The following HCFC1 variants were observed in gnomAD, a reference collection of about 807,000 sequenced individuals.
HCFC1 encodes host cell factor C1, also known as host cell factor 1.
HCFC1 carries 7 observed loss-of-function variants against 105.5 expected under a neutral mutation model. That is an observed-to-expected ratio of 0.07 (90% CI 0.04 to 0.12). The LOEUF (loss-of-function observed/expected upper bound fraction) is 0.12, where lower values mean the gene tolerates loss of function less well. Ranked by LOEUF, HCFC1 falls within the 10% of genes least tolerant of loss-of-function variation. The probability of loss-of-function intolerance (pLI) is 1.00; values close to 1 mark genes in which losing one functional copy is unlikely to be tolerated. For missense variants in HCFC1, 1,065 were observed against 1,823.6 expected, an observed-to-expected ratio of 0.58 and a Z score of 7.58; for synonymous variants, 918 against 828.1, an observed-to-expected ratio of 1.11 and a Z score of -1.86.
Position 153,948,219 on chromosome X carries a change from G to A in HCFC1, c.*1128C>T, listed in dbSNP as rs2065273862. 1 of 112,295 alleles carries A rather than the reference G, an allele frequency of 8.9e-6. No homozygotes were observed. Among genetic ancestry groups the A allele is most frequent in the Non-Finnish European group, 1.9e-5 (1 of 53,193 alleles). The allele number at this position is 112,295 out of a possible 1,213,427, so 9.3% of individuals were successfully genotyped here. ...GGGAGAGCTGGAAATCCAGGACAAG[G>A]AGGCCCCAGCCCTCCCTCAAGCTCC... On this transcript the variant is annotated 3_prime_UTR_variant, in exon 26 of 26. Coordinates refer to ENST00000310441, the MANE Select transcript of HCFC1 (RefSeq NM_005334.3).
Position 153,971,029 on chromosome X carries a change from G to C in HCFC1, c.-189C>G, listed in dbSNP as rs1357100685. The C allele has an allele frequency of 1.8e-5, 7 of 390,763 alleles. No homozygotes were observed. Among genetic ancestry groups the C allele is most frequent in the Non-Finnish European group, 3.0e-5 (7 of 231,632 alleles). 32.2% of individuals were successfully genotyped at this position (390,763 alleles called of 1,213,427 possible). A position where few individuals can be genotyped will look rare whatever the true frequency, so the allele number is the denominator to read the frequency against. On this transcript the variant is annotated 5_prime_UTR_variant, in exon 1 of 26. Transcript: ENST00000310441. ...CCCTTTGGCTCTTCCCTTTCTTCTCGCTCACCCCGTCTCCGCAAGAGCCGC... is the reference window on the plus strand; with the variant it reads ...CCCTTTGGCTCTTCCCTTTCTTCTCCCTCACCCCGTCTCCGCAAGAGCCGC...
chrX:153,962,676 C>T (rs888805981), intron 4 of HCFC1, among the ~76,000 whole-genome samples: 11 of 112,377 alleles, frequency 9.8e-5, no homozygotes, highest in Admixed American at 1.9e-4. Flanking sequence ...AATTCTCTCA[C>T]GGGAAACTGC....
At position 153,957,832 on chromosome X, in the gene HCFC1, A is replaced by T; in HGVS notation, c.2083T>A (p.Ser695Thr). Reference protein sequence around the residue: ...SVVQTKPVQTSAVTGQASTGP... With the variant: ...SVVQTKPVQTTAVTGQASTGP... Reference sequence around the variant, plus strand: ...GTGGACGCCTGGCCTGTGACTGCTGAAGTCTGAACTGGTTTGGTCTGGACC... The same window carrying T: ...GTGGACGCCTGGCCTGTGACTGCTGTAGTCTGAACTGGTTTGGTCTGGACC... The change falls in exon 12 of 26, where the codon TCA (serine) becomes ACA (threonine). Residue 695 changes from serine to threonine, a missense_variant. By Grantham distance (58) the Ser-to-Thr change is moderately conservative (BLOSUM62 1). Coordinates refer to ENST00000310441, the MANE Select transcript of HCFC1 (RefSeq NM_005334.3). 2 of 1,210,813 alleles carry T rather than the reference A, an allele frequency of 1.7e-6. No homozygotes were observed. Among genetic ancestry groups the T allele is most frequent in the Non-Finnish European group, 2.2e-6 (2 of 894,588 alleles).
chrX:153,950,672 A>C, intron 23 of HCFC1, 129 bp from the exon 24 acceptor site: 1 of 872,451 alleles, frequency 1.1e-6, no homozygotes, highest in Non-Finnish European at 1.6e-6. Context: ...GGAGCTTCAA[A>C]GAGATCTTCC....
At position 153,955,411 on chromosome X, in the gene HCFC1, G is replaced by A. The variant is rs782057214; in HGVS notation, c.2988C>T (p.Ile996=). 9 of 1,211,387 alleles carry A rather than the reference G, an allele frequency of 7.4e-6. No homozygotes were observed. Among genetic ancestry groups the A allele is most frequent in the Middle Eastern group, 2.3e-4 (1 of 4,349 alleles). ...TTEQPTATVT[I]ADSGQGDVQP... ...GCACATCACCCTGGCCTGAGTCGGC[G>A]ATGGTAACTGTGGCGGTGGGCTGTT... Residue 996 remains isoleucine, a synonymous_variant, in exon 17 of 26, where the codon ATC becomes ATT. Coordinates refer to ENST00000310441, the MANE Select transcript of HCFC1 (RefSeq NM_005334.3).
At chrX:153,970,587 A>G in intron 1 of HCFC1, 61 bp downstream of exon 1, 1 of 813,069 alleles carries the variant, frequency 1.2e-6, no homozygotes, top group Admixed American at 3.0e-5. Context: ...AGGAAAGAGG[A>G]GGGAGAGGGA....
Position 153,971,776 on chromosome X carries a change from G to A in HCFC1, c.-936C>T. 1 of 297,147 alleles carries A rather than the reference G, an allele frequency of 3.4e-6. No homozygotes were observed. 24.5% of individuals were successfully genotyped at this position (297,147 alleles called of 1,213,427 possible). A position where few individuals can be genotyped will look rare whatever the true frequency, so the allele number is the denominator to read the frequency against. On this transcript the variant is annotated 5_prime_UTR_variant, in exon 1 of 26. Transcript: ENST00000310441. ...CTGTACGGCAGAAGAAGCGGTAACG[G>A]CAGGGCGCTCATGCCTCCTCCCTGG...
chrX:153,962,769 G>A (rs1040151772), intron 4 of HCFC1, among the ~76,000 whole-genome samples: 2 of 111,486 alleles, frequency 1.8e-5, no homozygotes, highest in African/African-American at 6.5e-5. Flanking sequence ...GAGATCCACA[G>A]TTAGTAATCT....
rs913645748 is a variant in HCFC1, at chrX:153,970,941, G to A, written c.-101C>T. 5.5e-6 allele frequency: 4 copies of A among 730,139 alleles called. No homozygotes were observed. The African/African-American group carries it at 8.8e-5, about 16-fold the overall frequency. The allele number at this position is 730,139 out of a possible 1,213,427, so 60.2% of individuals were successfully genotyped here. On this transcript the variant is annotated 5_prime_UTR_variant, in exon 1 of 26. Coordinates refer to ENST00000310441, the MANE Select transcript of HCFC1 (RefSeq NM_005334.3). ...TTTCGTCTAAGGCAGCTCTCACGGA[G>A]AAGCGGTTTCTCACACAGCGGTAGA...
chrX:153,952,527 C>G lies in HCFC1; in HGVS notation c.4929G>C (p.Gln1643His), dbSNP rs1357660188. The G allele has an allele frequency of 2.6e-6, 3 of 1,163,799 alleles. No individual in the cohort carries two copies. The highest frequency in any genetic ancestry group is 2.3e-6 in the Non-Finnish European group (2 of 871,269). The stretch of plus-strand genomic sequence containing the variant: ...ACCGGCACTCACCCATGACGGCCTG[C>G]TGCGCGGCCTGGAGCACCGCCTGGA... Reference protein sequence around the residue: ...LAIQAVLQAAQQAVMGTGEPM... With the variant: ...LAIQAVLQAAHQAVMGTGEPM... The change falls in exon 19 of 26, where the codon CAG becomes CAC. Residue 1643 changes from glutamine to histidine, a missense_variant. By Grantham distance (24) the Gln-to-His change is conservative (BLOSUM62 0). Coordinates refer to ENST00000310441, the MANE Select transcript of HCFC1 (RefSeq NM_005334.3).
chrX:153,956,144 C>T (rs782407760), intron 16 of HCFC1, 47 bp downstream of exon 16: 18 of 1,120,502 alleles, frequency 1.6e-5, no homozygotes, highest in South Asian at 1.3e-4. Flanking sequence ...CGTGCTTCCA[C>T]TTGTGTGGGG....
At chrX:153,966,407 T>C (rs2065474207) in intron 1 of HCFC1, among the ~76,000 whole-genome samples, 1 of 112,359 alleles carries the variant, frequency 8.9e-6, no homozygotes, top group Non-Finnish European at 1.9e-5. Flanking sequence ...AGAGCTCCCC[T>C]GCCATTTCCC....
In HCFC1 at chrX:153,953,591, C is replaced by G. The variant is rs782636018; in HGVS notation, c.4497+16G>C. On this transcript the variant is annotated intron_variant, in intron 18 of 25. Transcript: ENST00000310441. Reference sequence around the variant, plus strand: ...GCCGGGAAGGCGGGGAAGAACACGGCCCCCTGGGCTCTTACCGGCACAGAG... The same window carrying G: ...GCCGGGAAGGCGGGGAAGAACACGGGCCCCTGGGCTCTTACCGGCACAGAG... The G allele has an allele frequency of 5.0e-6, 6 of 1,199,536 alleles. No homozygotes were observed. The highest frequency in any genetic ancestry group is 1.8e-5 in the African/African-American group (1 of 56,949).
intron 9 of HCFC1, 43 bp from the exon 10 acceptor site, chrX:153,958,809 C>T: frequency 9.7e-7 from 1 of 1,025,774 alleles, no homozygotes; most frequent in South Asian, 2.4e-5. Flanking sequence ...ACAGGTGCCA[C>T]CCACCTCCCT....
rs1557115566 is a variant in HCFC1, at chrX:153,957,807, G to A, written c.2108C>T (p.Thr703Met). Residue 703 changes from threonine (T) to methionine (M), a missense_variant, in exon 12 of 26, where the codon ACG becomes ATG. Physicochemically the swap from Thr to Met is moderately conservative, Grantham distance 81 (BLOSUM62 -1). Around this residue, in one of 17 missense-constraint regions of HCFC1, gnomAD observed 137 missense variants for 378.2 expected, o/e 0.36. Coordinates refer to ENST00000310441, the MANE Select transcript of HCFC1 (RefSeq NM_005334.3). ...QTSAVTGQAS[T>M]GPVTQIIQTK... ...CTGGATGATCTGAGTCACAGGACCC[G>A]TGGACGCCTGGCCTGTGACTGCTGA... 7 of 1,206,669 alleles carry A rather than the reference G, an allele frequency of 5.8e-6. No individual in the cohort carries two copies. Among genetic ancestry groups the A allele is most frequent in the South Asian group, 3.5e-5 (2 of 56,728 alleles).
chrX:153,964,070 G>A, intron 3 of HCFC1, 54 bp downstream of exon 3: 2 of 1,054,600 alleles, frequency 1.9e-6, no homozygotes, highest in Middle Eastern at 2.6e-4. Context: ...GGAGCCCTGT[G>A]CATGTGAGAG....
chrX:153,953,787 C>T lies in HCFC1; in HGVS notation c.4334-17G>A. ...GTGGGGGGTCTGTGGGGGCGACAGG[C>T]AGGCGGCTGCTCAGCAGGAGCCCCC... On this transcript the variant is annotated splice_polypyrimidine_tract_variant and intron_variant, in intron 17 of 25. Coordinates refer to ENST00000310441, the MANE Select transcript of HCFC1 (RefSeq NM_005334.3). 8.4e-7 allele frequency: 1 copy of T among 1,188,569 alleles called. No homozygotes were observed. The highest frequency in any genetic ancestry group is 1.1e-6 in the Non-Finnish European group (1 of 884,211).
rs1214032300 is a variant in HCFC1, at chrX:153,963,383, A to G, written c.554T>C (p.Val185Ala). 4 of 1,208,352 alleles carry G rather than the reference A, an allele frequency of 3.3e-6. No homozygotes were observed. Among genetic ancestry groups the G allele is most frequent in the Non-Finnish European group, 4.5e-6 (4 of 893,349 alleles). ...GTAAGTGATGGGAATGTCCCAGGCT[A>G]CCACTCCAGAGCCTGGCCGTAATTC... The part of the protein sequence containing the change: ...ILELRPGSGV[V>A]AWDIPITYGV... The change falls in exon 4 of 26, where the codon GTA (valine) becomes GCA (alanine). Residue 185 changes from valine (V) to alanine (A), a missense_variant. Val to Ala is a moderately conservative substitution (Grantham distance 64). Around this residue, in one of 17 missense-constraint regions of HCFC1, gnomAD observed 38 missense variants for 190.1 expected, o/e 0.20. Transcript: ENST00000310441.
In HCFC1 at chrX:153,950,384, G is replaced by A. The variant is rs1557112116; in HGVS notation, c.5863C>T (p.Pro1955Ser). 8.3e-7 allele frequency: 1 copy of A among 1,210,844 alleles called. No individual in the cohort carries two copies. The highest frequency in any genetic ancestry group is 1.8e-5 in the South Asian group (1 of 56,953). Residue 1955 changes from proline (P) to serine (S), a missense_variant, in exon 24 of 26, where the codon CCC becomes TCC. Transcript: ENST00000310441. ...GACTGCACCAGGCAGGAGGGGCTGG[G>A]CCCGCAGTACACCCGCATGAAGGCC... ...QLAFMRVYCGPSPSCLVQSSS... is the reference protein window; with the variant it reads ...QLAFMRVYCGSSPSCLVQSSS...
Sources: allele counts gnomAD v4.1 joint callset (sites outside exome capture counted in the v4.1 genomes callset), GRCh38; gene constraint gnomAD v4.1.1; regional missense constraint gnomAD v4.1.1; transcripts MANE v1.5; gene names NCBI Gene and HGNC (gene_info 2026-07-23, HGNC 2026-07-21).